Variants in ZSCAN30 observed in about 807,000 individuals in gnomAD.
The protein encoded by ZSCAN30 is zinc finger and SCAN domain-containing protein 30.
ZSCAN30 carries 37 observed loss-of-function variants against 44.3 expected under a neutral mutation model. The ratio of observed to expected loss-of-function variants is 0.84; its 90% CI spans 0.64 to 1.10. The LOEUF (loss-of-function observed/expected upper bound fraction) is 1.10, where lower values mean the gene tolerates loss of function less well. ZSCAN30 is among the 50% of genes least tolerant of loss of function. ZSCAN30 has a pLI of 0.00. For missense variants in ZSCAN30, 549 were observed against 582.6 expected (o/e 0.94, Z 0.59); for synonymous variants, 181 against 204.6 (o/e 0.88, Z 0.98).
rs1254645803 is a variant in ZSCAN30, at chr18:35,253,608, A to G, written c.1327T>C (p.Cys443Arg). ...TTGAAGGATTTTCCACATTCATTAC[A>G]TTCATAAGGTTTCTCTCCAGTGTGA... is the stretch of plus-strand genomic sequence containing the variant. ...RIHTGEKPYE[C>R]NECGKSFNQS... Residue 443 changes from cysteine (C) to arginine (R), a missense_variant, in exon 4 of 4, where the codon TGT becomes CGT. Cys to Arg is a radical substitution (Grantham distance 180, BLOSUM62 -3). Transcript: ENST00000333206. 8.7e-6 allele frequency: 14 copies of G among 1,613,970 alleles called. No individual in the cohort carries two copies. Among genetic ancestry groups the G allele is most frequent in the South Asian group, 7.7e-5 (7 of 91,082 alleles).
chr18:35,265,360 A>G (rs551163177), intron 1 of ZSCAN30, among the ~76,000 whole-genome samples: 1 of 152,330 alleles, frequency 6.6e-6, no homozygotes, highest in Admixed American at 6.5e-5. Flanking sequence ...GAGCTTGACA[A>G]TAACACCATC....
chr18:35,275,568 A>T (rs1400312505), intron 1 of ZSCAN30, among the ~76,000 whole-genome samples: 1 of 152,130 alleles, frequency 6.6e-6, no homozygotes, highest in East Asian at 1.9e-4. Flanking sequence ...ACTCATATCT[A>T]AAGACCTATT....
In ZSCAN30 at chr18:35,252,430, CCTT is replaced by C. The variant is rs904943480; in HGVS notation, c.*1017_*1019del. The C allele has an allele frequency of 2.0e-5, 3 of 152,240 alleles. No individual in the cohort carries two copies. Among genetic ancestry groups the C allele is most frequent in the African/African-American group, 7.2e-5 (3 of 41,454 alleles). The allele number at this position is 152,240 out of a possible 1,614,324, so 9.4% of individuals were successfully genotyped here. On this transcript the variant is annotated 3_prime_UTR_variant, in exon 4 of 4. Coordinates refer to ENST00000333206, the MANE Select transcript of ZSCAN30 (RefSeq NM_001112734.4). The stretch of plus-strand genomic sequence containing the variant: ...TTCCCCATTCCCTGCCCACACCCCT[CCTT>C]ACCAGGCTTGCAGGCCCTGAGCTAT...
chr18:35,257,796 C>T, intron 3 of ZSCAN30: 1 of 750,762 alleles, frequency 1.3e-6, no homozygotes, highest in Non-Finnish European at 2.5e-6. Context: ...GAAGAGACAA[C>T]TCTGCAGTGC....
At chr18:35,263,917 C>G in intron 2 of ZSCAN30, 28 bp downstream of exon 2, 3 of 1,600,690 alleles carry the variant, frequency 1.9e-6, no homozygotes, top group Non-Finnish European at 1.7e-6. Flanking sequence ...TACAATAGAT[C>G]AAACAAACAA....
Position 35,273,159 on chromosome 18 carries a change from C to T in ZSCAN30, c.-103-8704G>A, listed in dbSNP as rs978311821. Among the ~76,000 whole-genome samples, 13 of 152,298 alleles carry T rather than the reference C, an allele frequency of 8.5e-5. No homozygotes were observed. In the East Asian group the frequency reaches 2.5e-3, roughly 29 times the overall value. ...CATCTCCAGAACTTTTTTATCTTCC[C>T]AAACTGAAACTCCATACCAATTAAA... On this transcript the variant is annotated intron_variant, in intron 1 of 3. Transcript: ENST00000333206.
rs184212859 is a variant in ZSCAN30 at position 35,285,895 on chromosome 18, T to C, written c.-104+4189A>G. Among the ~76,000 whole-genome samples, 179 of 151,774 alleles carry C rather than the reference T, an allele frequency of 1.2e-3. 1 individual carries two copies. Among genetic ancestry groups the C allele is most frequent in the African/African-American group, 4.2e-3 (176 of 41,430 alleles). On this transcript the variant is annotated intron_variant, in intron 1 of 3. Coordinates refer to ENST00000333206, the MANE Select transcript of ZSCAN30 (RefSeq NM_001112734.4). The stretch of plus-strand genomic sequence containing the variant: ...TAATAGACCAGAAAATGAAAGACAA[T>C]TTTTAAATAAATGAAAAGCTGGTTC...
intron 1 of ZSCAN30, among the ~76,000 whole-genome samples, chr18:35,271,387 G>A (rs2044271214): frequency 1.3e-5 from 2 of 152,080 alleles, no homozygotes; most frequent in Non-Finnish European, 2.9e-5. Context: ...AGACTTAAAA[G>A]TTCTCCAAGT....
rs564852891 is a variant in ZSCAN30, at chr18:35,258,267, A to G, written c.554-3886T>C. The G allele has an allele frequency of 7.7e-5, 31 of 400,960 alleles. No homozygotes were observed. The South Asian group carries it at 9.4e-4, about 12-fold the overall frequency. 24.8% of individuals were successfully genotyped at this position (400,960 alleles called of 1,614,324 possible). A position where few individuals can be genotyped will look rare whatever the true frequency, so the allele number is the denominator to read the frequency against. Reference sequence around the variant, plus strand: ...CCATGGGACCACGCATAAATGGAGAACGAGTAAATTTTGCTAAGTCCAAGG... The same window carrying G: ...CCATGGGACCACGCATAAATGGAGAGCGAGTAAATTTTGCTAAGTCCAAGG... On this transcript the variant is annotated intron_variant, in intron 3 of 3. Transcript: ENST00000333206.
intron 1 of ZSCAN30, among the ~76,000 whole-genome samples, chr18:35,288,655 G>A (rs1209903419): frequency 2.0e-5 from 3 of 152,116 alleles, no homozygotes; most frequent in Non-Finnish European, 2.9e-5. Flanking sequence ...CAGCAATAAA[G>A]ATAAATCTCA....
chr18:35,282,662 C>T (rs1343910625), intron 1 of ZSCAN30: 1 of 152,176 alleles, frequency 6.6e-6, no homozygotes, highest in East Asian at 1.9e-4. Flanking sequence ...ACTACTCTAC[C>T]ATCCTCTAGA....
chr18:35,276,607 T>C (rs1598646894), intron 1 of ZSCAN30, among the ~76,000 whole-genome samples: 2 of 152,328 alleles, frequency 1.3e-5, no homozygotes, highest in East Asian at 1.9e-4. Context: ...AGCTTCCACA[T>C]GGTGTTGAGC....
chr18:35,254,708 C>G (rs1221537216), intron 3 of ZSCAN30: 1 of 370,480 alleles, frequency 2.7e-6, no homozygotes, highest in Non-Finnish European at 5.0e-6. Context: ...AGAGAAGATA[C>G]GTTTTTAGGT....
intron 3 of ZSCAN30, among the ~76,000 whole-genome samples, chr18:35,255,407 T>C (rs1403807966): frequency 3.9e-5 from 6 of 151,980 alleles, no homozygotes; most frequent in Non-Finnish European, 7.4e-5. Flanking sequence ...TAAATGTATA[T>C]GCATTTTACA....
rs149834015 is a variant in ZSCAN30 at position 35,254,341 on chromosome 18, T to C, written c.594A>G (p.Gln198=). 5,185 of 1,613,862 alleles carry C rather than the reference T, an allele frequency of 3.2e-3. 10 individuals are homozygous for C. Among genetic ancestry groups the C allele is most frequent in the Non-Finnish European group, 3.8e-3 (4,492 of 1,179,714 alleles). The stretch of plus-strand genomic sequence containing the variant: ...CTGAGGCTACACATTCAACAATTTC[T>C]TGCTTTGCCATCAACACTTTGCCAG... ...MVAGKVLMAK[Q]EIVECVASAA... is the part of the protein sequence containing the mutation. The change falls in exon 4 of 4, where the codon CAA becomes CAG. Residue 198 remains glutamine (Q), a synonymous_variant. Coordinates refer to ENST00000333206, the MANE Select transcript of ZSCAN30 (RefSeq NM_001112734.4).
intron 1 of ZSCAN30, among the ~76,000 whole-genome samples, chr18:35,271,938 C>G (rs7244758): frequency 0.78 from 118,955 of 152,018 alleles, 48,176 homozygotes; most frequent in Non-Finnish European, 0.89. Context: ...CCGGCCGCTC[C>G]AAGTGCGGGG....
intron 3 of ZSCAN30, 159 bp downstream of exon 3, chr18:35,263,354 G>A (rs2044069551): frequency 4.7e-6 from 4 of 853,418 alleles, no homozygotes; most frequent in South Asian, 4.8e-5. Flanking sequence ...TGGAATTTCA[G>A]ATTCTAGGCA....
rs2044083918 is a variant in ZSCAN30 at position 35,263,677 on chromosome 18, A to C, written c.409-20T>G. On this transcript the variant is annotated intron_variant, in intron 2 of 3. Coordinates refer to ENST00000333206, the MANE Select transcript of ZSCAN30 (RefSeq NM_001112734.4). Reference sequence around the variant, plus strand: ...TGTGTCCTAGGAGTAATCAAGTACCAGCACTATCATTCTGAGGATACACAA... The same window carrying C: ...TGTGTCCTAGGAGTAATCAAGTACCCGCACTATCATTCTGAGGATACACAA... 1 of 1,613,694 alleles carries C rather than the reference A, an allele frequency of 6.2e-7. No individual in the cohort carries two copies. The highest frequency in any genetic ancestry group is 1.7e-5 in the Admixed American group (1 of 60,018).
rs574427786 is a variant in ZSCAN30, at chr18:35,283,718, G to A, written c.-104+6366C>T. ...AAGCTTGGAGACTCCAGGAAATGCAGGGCCCCAACGGGAGTCACAATCCTG... is the reference window on the plus strand; with the variant it reads ...AAGCTTGGAGACTCCAGGAAATGCAAGGCCCCAACGGGAGTCACAATCCTG... On this transcript the variant is annotated intron_variant, in intron 1 of 3. Transcript: ENST00000333206. The A allele has an allele frequency of 2.9e-3, 438 of 152,480 alleles. 1 individual carries two copies. The highest frequency in any genetic ancestry group is 0.021 in the South Asian group (100 of 4,834). 9.4% of individuals were successfully genotyped at this position (152,480 alleles called of 1,614,324 possible).
Sources: allele counts gnomAD v4.1 joint callset (sites outside exome capture counted in the v4.1 genomes callset), GRCh38; gene constraint gnomAD v4.1.1; transcripts MANE v1.5; gene names NCBI Gene and HGNC (gene_info 2026-07-23, HGNC 2026-07-21).